NAV2: variants seen among roughly 807,000 people sequenced by gnomAD.
NAV2 encodes neuron navigator 2.
NAV2 carries 54 observed loss-of-function variants against 223.2 expected under a neutral mutation model. That is an observed-to-expected ratio of 0.24 (90% CI 0.19 to 0.30). NAV2 has a LOEUF of 0.30. Ranked by LOEUF, NAV2 falls within the 10% of genes least tolerant of loss-of-function variation. NAV2 has a pLI of 1.00. For missense variants in NAV2, 2,806 were observed against 3,147.5 expected (o/e 0.89, Z 2.60); for synonymous variants, 1,279 against 1,239.3 (o/e 1.03, Z -0.67).
chr11:19,403,226 A>T (rs1373491819), intron 1 of NAV2, among the ~76,000 whole-genome samples: 1 of 152,256 alleles, frequency 6.6e-6, no homozygotes, highest in Non-Finnish European at 1.5e-5. Context: ...CTTATGAAGT[A>T]TCTACCGTGT....
At chr11:20,039,814 AG>A (rs2056746603) in intron 12 of NAV2, among the ~76,000 whole-genome samples, 2 of 152,210 alleles carry the variant, frequency 1.3e-5, no homozygotes, top group Admixed American at 1.3e-4. Flanking sequence ...ATTCCATGTC[AG>A]TTTATTTTTT....
intron 1 of NAV2, among the ~76,000 whole-genome samples, chr11:19,595,660 T>C (rs1468403962): frequency 1.3e-5 from 2 of 151,894 alleles, no homozygotes; most frequent in African/African-American, 4.8e-5. Context: ...GCTCAAGTGA[T>C]TCTCCCACCT....
chr11:19,835,999 C>G (rs891836438), intron 2 of NAV2, among the ~76,000 whole-genome samples: 2 of 152,120 alleles, frequency 1.3e-5, no homozygotes, highest in Admixed American at 1.3e-4. Context: ...GGGCCTGGGT[C>G]TTAGTTGTCT....
At chr11:19,562,141 A>G (rs1213172212) in intron 1 of NAV2, among the ~76,000 whole-genome samples, 4 of 152,260 alleles carry the variant, frequency 2.6e-5, no homozygotes, top group Non-Finnish European at 5.9e-5. Flanking sequence ...AGGATTAACT[A>G]GTAAAAATAA....
chr11:19,592,490 G>T (rs140847838), intron 1 of NAV2, among the ~76,000 whole-genome samples: 3 of 151,862 alleles, frequency 2.0e-5, no homozygotes, highest in Non-Finnish European at 4.4e-5. Flanking sequence ...TTATATTTTT[G>T]TCATTGCCCC....
chr11:19,771,590 C>A (rs1216161122), intron 1 of NAV2, among the ~76,000 whole-genome samples: 1 of 150,970 alleles, frequency 6.6e-6, no homozygotes, highest in Non-Finnish European at 1.5e-5. Context: ...CCTCATCTGA[C>A]CCCCCCCATT....
At chr11:20,113,395 T>C (rs1007597514) in intron 36 of NAV2, among the ~76,000 whole-genome samples, 2 of 152,202 alleles carry the variant, frequency 1.3e-5, no homozygotes, top group African/African-American at 4.8e-5. Context: ...AGGTTTCTGT[T>C]CTTCAAAGAA....
intron 1 of NAV2, among the ~76,000 whole-genome samples, chr11:19,778,605 G>A (rs184630817): frequency 7.0e-4 from 106 of 152,202 alleles, no homozygotes; most frequent in African/African-American, 2.5e-3. Context: ...ACCAAAGCTG[G>A]GTCTTCATAT....
intron 30 of NAV2, among the ~76,000 whole-genome samples, chr11:20,097,264 C>T (rs1481223533): frequency 6.6e-6 from 1 of 152,138 alleles, no homozygotes; most frequent in Non-Finnish European, 1.5e-5. Flanking sequence ...TTCAAGACTT[C>T]AGCCGAACTT....
At chr11:20,053,806 C>T (rs1483279669) in intron 17 of NAV2, among the ~76,000 whole-genome samples, 2 of 152,160 alleles carry the variant, frequency 1.3e-5, no homozygotes, top group Non-Finnish European at 2.9e-5. Flanking sequence ...GTTACAGATA[C>T]GCCCAGTGAC....
intron 31 of NAV2, 45 bp downstream of exon 31, chr11:20,097,790 T>C: frequency 6.6e-7 from 1 of 1,509,002 alleles, no homozygotes; most frequent in Admixed American, 2.2e-5. Context: ...GGAATTGCAG[T>C]GTTTGTTTTG....
chr11:19,595,580 G>A (rs539208246), intron 1 of NAV2, among the ~76,000 whole-genome samples: 129 of 150,232 alleles, frequency 8.6e-4, no homozygotes, highest in Non-Finnish European at 1.6e-3. Context: ...TTTGAGACAG[G>A]ATCTCACTCT....
At chr11:19,424,793 C>T (rs564285612) in intron 1 of NAV2, among the ~76,000 whole-genome samples, 3 of 152,202 alleles carry the variant, frequency 2.0e-5, no homozygotes, top group South Asian at 2.1e-4. Flanking sequence ...TCAAGTGATC[C>T]GCCCACCTCA....
chr11:19,948,961 C>T lies in NAV2; in HGVS notation c.2526C>T (p.Asp842=), dbSNP rs12284679. The change falls in exon 10 of 38, where the codon GAC becomes GAT. Residue 842 remains aspartate, a synonymous_variant. Transcript: ENST00000349880. The stretch of plus-strand genomic sequence containing the variant: ...GGGGCAGTAGTGTCTGCCATGTGGA[C>T]GTCTCAGACAAGGCAGGAGATGAGA... ...ASRGSSVCHV[D]VSDKAGDEMD... The T allele has an allele frequency of 0.088, 141,692 of 1,613,922 alleles. 7,402 individuals are homozygous for T. The highest frequency in any genetic ancestry group is 0.19 in the South Asian group (17,148 of 91,072).
intron 32 of NAV2, among the ~76,000 whole-genome samples, chr11:20,102,500 G>A (rs550180581): frequency 5.9e-5 from 9 of 152,204 alleles, no homozygotes; most frequent in South Asian, 4.1e-4. Context: ...TAAAATGGAC[G>A]TAATCATAGT....
At chr11:19,415,384 G>C (rs116088666) in intron 1 of NAV2, among the ~76,000 whole-genome samples, 1 of 152,050 alleles carries the variant, frequency 6.6e-6, no homozygotes, top group African/African-American at 2.4e-5. Flanking sequence ...ACCCTTCCAG[G>C]GTAAAGCAGG....
At chr11:19,587,229 G>A (rs780964709) in intron 1 of NAV2, among the ~76,000 whole-genome samples, 4 of 152,210 alleles carry the variant, frequency 2.6e-5, no homozygotes, top group Non-Finnish European at 4.4e-5. Flanking sequence ...CATTGGAAAA[G>A]CACAGTATTA....
intron 17 of NAV2, 29 bp from the exon 18 acceptor site, chr11:20,054,051 T>G (rs768253433): frequency 6.2e-7 from 1 of 1,609,696 alleles, no homozygotes; most frequent in South Asian, 1.1e-5. Context: ...TGTTCATAGT[T>G]AATTCCGGCT....
At chr11:20,047,330 TA>T (rs2046556091) in intron 14 of NAV2, among the ~76,000 whole-genome samples, 2 of 152,218 alleles carry the variant, frequency 1.3e-5, no homozygotes, top group Non-Finnish European at 2.9e-5. Context: ...CATTTCTTCC[TA>T]AATCGTTAAG....
Sources: allele counts gnomAD v4.1 joint callset (sites outside exome capture counted in the v4.1 genomes callset), GRCh38; gene constraint gnomAD v4.1.1; transcripts MANE v1.5; gene names NCBI Gene and HGNC (gene_info 2026-07-23, HGNC 2026-07-21).